SLC35D1: variants seen among roughly 807,000 people sequenced by gnomAD.
The protein encoded by SLC35D1 is nucleotide sugar transporter SLC35D1.
In SLC35D1, 31 loss-of-function variants were observed where a neutral mutation model predicts 46.7. That is an observed-to-expected ratio of 0.66 (90% CI 0.50 to 0.90). The LOEUF is 0.90. Among genes scored for constraint, SLC35D1 ranks in the 40% least tolerant of loss-of-function variants. The pLI is 0.00. For synonymous variants in SLC35D1, 195 were observed against 164.6 expected, an observed-to-expected ratio of 1.18 and a Z score of -1.41; for missense variants, 397 against 426.2, an observed-to-expected ratio of 0.93 and a Z score of 0.60.
the SLC35D1 span, among the ~76,000 whole-genome samples, chr1:66,975,983 CTT>C: frequency 1.4e-5 from 2 of 141,940 alleles, no homozygotes; most frequent in Non-Finnish European, 3.2e-5. Context: ...ACTTCCAGGC[CTT>C]TTTTTTGTGT....
intron 9 of SLC35D1, among the ~76,000 whole-genome samples, chr1:67,021,060 A>G (rs868400387): frequency 1.3e-5 from 2 of 152,134 alleles, no homozygotes; most frequent in Admixed American, 6.5e-5. Flanking sequence ...GAAAAAAAAC[A>G]CATTAGAGAA....
At chr1:67,052,674 T>G in intron 3 of SLC35D1, 97 bp downstream of exon 3, 1 of 1,284,008 alleles carries the variant, frequency 7.8e-7, no homozygotes, top group Non-Finnish European at 1.1e-6. Context: ...TGGGCAATTT[T>G]GAGGCTGCAA....
the SLC35D1 span, chr1:66,988,377 T>G: frequency 1.3e-5 from 2 of 152,362 alleles, no homozygotes; most frequent in Non-Finnish European, 2.9e-5. Context: ...TAAAGGGTTT[T>G]CCACACATCC....
chr1:67,017,206 T>C (rs1371060238), intron 10 of SLC35D1, among the ~76,000 whole-genome samples: 1 of 152,148 alleles, frequency 6.6e-6, no homozygotes, highest in African/African-American at 2.4e-5. Flanking sequence ...ACAATAAGAC[T>C]AAAATTTATT....
intron 8 of SLC35D1, among the ~76,000 whole-genome samples, chr1:67,039,493 TTGTGTG>T (rs71801070): frequency 0.12 from 17,363 of 148,712 alleles, 2,370 homozygotes; most frequent in African/African-American, 0.34. Flanking sequence ...AGTGAAAAAA[TTGTGTG>T]TGTGTGTGTG....
In SLC35D1 at chr1:67,003,753, A is replaced by G. The variant is rs1295805987; in HGVS notation, c.*587T>C. On this transcript the variant is annotated 3_prime_UTR_variant, in exon 12 of 12. Transcript: ENST00000235345. ...TCAAGGAATGCACTCTGCTCATCCT[A>G]TGAAAGTCAGGGAAGCCAACATAGA... 1.9e-5 allele frequency: 3 copies of G among 156,844 alleles called. No individual in the cohort carries two copies. Among genetic ancestry groups the G allele is most frequent in the Admixed American group, 1.2e-4 (2 of 16,236 alleles). 9.7% of individuals were successfully genotyped at this position (156,844 alleles called of 1,614,324 possible). A position where few individuals can be genotyped will look rare whatever the true frequency, so the allele number is the denominator to read the frequency against.
In SLC35D1 at chr1:66,999,999, G is replaced by T. The variant is rs1667298457; in HGVS notation, c.*4341C>A. 1 of 152,076 alleles carries T rather than the reference G, an allele frequency of 6.6e-6. No homozygotes were observed. The highest frequency in any genetic ancestry group is 1.5e-5 in the Non-Finnish European group (1 of 68,040). The allele number at this position is 152,076 out of a possible 1,614,324, so 9.4% of individuals were successfully genotyped here. On this transcript the variant is annotated 3_prime_UTR_variant, in exon 12 of 12. Coordinates refer to ENST00000235345, the MANE Select transcript of SLC35D1 (RefSeq NM_015139.3). ...GAAAATAATTTTCCTGGCCGGACATGTGGCACACACCTGTAATCCCAGCAC... is the reference window on the plus strand; with the variant it reads ...GAAAATAATTTTCCTGGCCGGACATTTGGCACACACCTGTAATCCCAGCAC...
Position 66,999,888 on chromosome 1 carries a change from C to T in SLC35D1, c.*4452G>A, listed in dbSNP as rs1190586085. On this transcript the variant is annotated 3_prime_UTR_variant, in exon 12 of 12. Coordinates refer to ENST00000235345, the MANE Select transcript of SLC35D1 (RefSeq NM_015139.3). ...TCAGAGAGGGGAAAAGGAACGCTGG[C>T]CTTTCCAGGAGCCATCTAAAGGTAA... 6.6e-6 allele frequency: 1 copy of T among 152,120 alleles called. No homozygotes were observed. Among genetic ancestry groups the T allele is most frequent in the Non-Finnish European group, 1.5e-5 (1 of 68,034 alleles). 9.4% of individuals were successfully genotyped at this position (152,120 alleles called of 1,614,324 possible).
In SLC35D1 at chr1:67,050,508, G is replaced by GA. The variant is rs5774854; in HGVS notation, c.393-5dup. The GA allele has an allele frequency of 3.9e-3, 5,583 of 1,441,754 alleles. 1 individual carries two copies. Among genetic ancestry groups the GA allele is most frequent in the Non-Finnish European group, 4.5e-3 (4,788 of 1,062,300 alleles). 89.3% of individuals were successfully genotyped at this position (1,441,754 alleles called of 1,614,324 possible). A position where few individuals can be genotyped will look rare whatever the true frequency, so the allele number is the denominator to read the frequency against. On this transcript the variant is annotated splice_polypyrimidine_tract_variant and splice_region_variant and intron_variant, in intron 4 of 11. Coordinates refer to ENST00000235345, the MANE Select transcript of SLC35D1 (RefSeq NM_015139.3). ...CAGAACTGTAAACATTGGCAAGCTG[G>GA]AAAAAAAAAAGATAATTAGGTAAAA...
chr1:66,987,447 T>A, the SLC35D1 span: 1 of 152,708 alleles, frequency 6.5e-6, no homozygotes, highest in African/African-American at 2.4e-5. Context: ...ATTTTCTGTT[T>A]CATGATGTAT....
At chr1:67,043,997 A>G (rs1645223193) in intron 7 of SLC35D1, among the ~76,000 whole-genome samples, 1 of 152,212 alleles carries the variant, frequency 6.6e-6, no homozygotes, top group Middle Eastern at 3.2e-3. Flanking sequence ...CTGCCTTCTC[A>G]AAAGCAGCAC....
the SLC35D1 span, chr1:66,982,024 G>C: frequency 8.6e-7 from 1 of 1,159,596 alleles, no homozygotes; most frequent in African/African-American, 1.5e-5. Context: ...AGAGCAGAAA[G>C]TAAAAAATGA....
At position 67,042,336 on chromosome 1, in the gene SLC35D1, A is replaced by T; in HGVS notation, c.637-8T>A. On this transcript the variant is annotated splice_region_variant and splice_polypyrimidine_tract_variant and intron_variant, in intron 7 of 11. Coordinates refer to ENST00000235345, the MANE Select transcript of SLC35D1 (RefSeq NM_015139.3). ...TCCATATTTTCCCAGCTCCTAGGAC[A>T]GTAAATAATTAGGTGTTTCATCTGC... 6.2e-7 allele frequency: 1 copy of T among 1,613,240 alleles called. No homozygotes were observed. Among genetic ancestry groups the T allele is most frequent in the Non-Finnish European group, 8.5e-7 (1 of 1,179,146 alleles).
chr1:67,048,600 C>T (rs934838917), intron 6 of SLC35D1, among the ~76,000 whole-genome samples: 1 of 152,148 alleles, frequency 6.6e-6, no homozygotes, highest in Non-Finnish European at 1.5e-5. Flanking sequence ...TCCACCTATA[C>T]TACAGGAATG....
intron 6 of SLC35D1, among the ~76,000 whole-genome samples, chr1:67,048,451 G>T (rs1482575384): frequency 6.6e-6 from 1 of 152,150 alleles, no homozygotes; most frequent in Admixed American, 6.5e-5. Flanking sequence ...TCTCCAAGGG[G>T]GGAATATGAC....
chr1:66,982,335 C>T, the SLC35D1 span, among the ~76,000 whole-genome samples: 11,151 of 152,142 alleles, frequency 0.073, 503 homozygotes, highest in African/African-American at 0.12. Flanking sequence ...TATTTAAGTT[C>T]TCTTTGATAG....
At chr1:67,036,381 T>A (rs1668123629) in intron 8 of SLC35D1, among the ~76,000 whole-genome samples, 1 of 152,128 alleles carries the variant, frequency 6.6e-6, no homozygotes, top group Admixed American at 6.5e-5. Flanking sequence ...TGTTTTATAG[T>A]TTTCACTGTA....
intron 8 of SLC35D1, among the ~76,000 whole-genome samples, chr1:67,034,399 C>T (rs769802337): frequency 4.6e-5 from 7 of 152,018 alleles, no homozygotes; most frequent in Non-Finnish European, 8.8e-5. Context: ...ACTGTAAAGA[C>T]TTTTCACTTC....
chr1:67,047,236 A>T (rs1433496458), intron 7 of SLC35D1, 29 bp downstream of exon 7: 2 of 1,547,294 alleles, frequency 1.3e-6, no homozygotes, highest in South Asian at 1.1e-5. Context: ...ATCAGTACAC[A>T]ACTGTTAAAG....
Sources: allele counts gnomAD v4.1 joint callset (sites outside exome capture counted in the v4.1 genomes callset), GRCh38; gene constraint gnomAD v4.1.1; transcripts MANE v1.5; gene names NCBI Gene and HGNC (gene_info 2026-07-23, HGNC 2026-07-21).